Variants in IFI6 observed in about 807,000 individuals in gnomAD.
The protein encoded by IFI6 is interferon alpha-inducible protein 6.
Under a neutral mutation model 12.7 loss-of-function variants are expected in IFI6, and 10 were observed. That is an observed-to-expected ratio of 0.79 (90% CI 0.49 to 1.33). The LOEUF (loss-of-function observed/expected upper bound fraction) is 1.33. IFI6 is among the 40% of genes most tolerant of loss of function. The pLI, the probability that IFI6 is intolerant of heterozygous loss-of-function variation, is 0.00. For missense variants in IFI6, 154 were observed against 180.4 expected, an observed-to-expected ratio of 0.85 and a Z score of 0.84; for synonymous variants, 89 against 86.2, an observed-to-expected ratio of 1.03 and a Z score of -0.18.
rs1385783926 is a variant in IFI6 at position 27,669,240 on chromosome 1, C to T, written c.70+5G>A. On this transcript the variant is annotated splice_donor_5th_base_variant and intron_variant, in intron 2 of 4. Coordinates refer to ENST00000361157, the MANE Select transcript of IFI6 (RefSeq NM_002038.4). ...CCTTACCTGCATCCTTACCCGCATT[C>T]TCACCTGCCTCCACCCCACTGCAAG... 6.4e-7 allele frequency: 1 copy of T among 1,551,916 alleles called. No individual in the cohort carries two copies. The highest frequency in any genetic ancestry group is 8.7e-7 in the Non-Finnish European group (1 of 1,147,028).
chr1:27,671,883 C>T (rs10902662), intron 1 of IFI6, among the ~76,000 whole-genome samples: 7,685 of 152,256 alleles, frequency 0.05, 369 homozygotes, highest in East Asian at 0.25. Flanking sequence ...CCACAGATCG[C>T]TGATATTGCA....
chr1:27,666,309 A>AAAAAAAC lies in IFI6; in HGVS notation c.*71_*72insGTTTTTT, dbSNP rs2090350811. On this transcript the variant is annotated 3_prime_UTR_variant, in exon 5 of 5. Transcript: ENST00000361157. ...CATCTCAAAAAAAAAAAAAAAAAAA[A>AAAAAAAC]AAAGGCAAAGTTCTAGATCCTAACT... The AAAAAAAC allele has an allele frequency of 1.3e-6, 1 of 794,966 alleles. No individual in the cohort carries two copies. The highest frequency in any genetic ancestry group is 1.8e-5 in the African/African-American group (1 of 56,354). The allele number at this position is 794,966 out of a possible 1,614,324, so 49.2% of individuals were successfully genotyped here. A position where few individuals can be genotyped will look rare whatever the true frequency, so the allele number is the denominator to read the frequency against.
chr1:27,668,212 G>A lies in IFI6; in HGVS notation c.298+14C>T. On this transcript the variant is annotated intron_variant, in intron 4 of 4. Coordinates refer to ENST00000361157, the MANE Select transcript of IFI6 (RefSeq NM_002038.4). Reference sequence around the variant, plus strand: ...TAAAGAACGTCCCACCAGGGGCCCAGGCCCCGCACTCACCGAGGCTCTGCA... The same window carrying A: ...TAAAGAACGTCCCACCAGGGGCCCAAGCCCCGCACTCACCGAGGCTCTGCA... The A allele has an allele frequency of 6.7e-7, 1 of 1,493,336 alleles. No individual in the cohort carries two copies. Among genetic ancestry groups the A allele is most frequent in the South Asian group, 1.3e-5 (1 of 76,062 alleles). 92.5% of individuals were successfully genotyped at this position (1,493,336 alleles called of 1,614,324 possible).
chr1:27,666,337 AAGAGTT>A lies in IFI6; in HGVS notation c.*38_*43del. 1 of 932,550 alleles carries A rather than the reference AAGAGTT, an allele frequency of 1.1e-6. No individual in the cohort carries two copies. Among genetic ancestry groups the A allele is most frequent in the East Asian group, 2.6e-5 (1 of 38,294 alleles). 57.8% of individuals were successfully genotyped at this position (932,550 alleles called of 1,614,324 possible). Reference sequence around the variant, plus strand: ...AGGCAAAGTTCTAGATCCTAACTGGAAGAGTTAGGCCAAGAAGGAAGAAGAGGTTCT... The same window carrying A: ...AGGCAAAGTTCTAGATCCTAACTGGAAGGCCAAGAAGGAAGAAGAGGTTCT... On this transcript the variant is annotated 3_prime_UTR_variant, in exon 5 of 5. Coordinates refer to ENST00000361157, the MANE Select transcript of IFI6 (RefSeq NM_002038.4).
chr1:27,671,223 T>C (rs1303384128), intron 1 of IFI6, among the ~76,000 whole-genome samples: 1 of 152,174 alleles, frequency 6.6e-6, no homozygotes, highest in Non-Finnish European at 1.5e-5. Context: ...CTTGTACCTA[T>C]AACAACACCA....
rs1450224374 is a variant in IFI6 at position 27,669,323 on chromosome 1, C to T, written c.-9G>A. On this transcript the variant is annotated 5_prime_UTR_variant, in exon 2 of 5. Coordinates refer to ENST00000361157, the MANE Select transcript of IFI6 (RefSeq NM_002038.4). ...ACCGCCTTCTGCCGCATGGTGGCGC[C>T]GCGCGCGGGCTCCGTCACTAGACCT... The T allele has an allele frequency of 2.6e-6, 4 of 1,552,532 alleles. No homozygotes were observed. In the East Asian group the frequency reaches 9.7e-5, roughly 38 times the overall value.
intron 4 of IFI6, 77 bp downstream of exon 4, chr1:27,668,149 G>T: frequency 8.0e-7 from 1 of 1,245,472 alleles, no homozygotes; most frequent in Non-Finnish European, 1.1e-6. Context: ...TAATTCCTGA[G>T]TGCCTCAGTT....
chr1:27,670,059 TC>T (rs2090392915), intron 1 of IFI6: 1 of 152,168 alleles, frequency 6.6e-6, no homozygotes, highest in Non-Finnish European at 1.5e-5. Flanking sequence ...CAAATTCAAT[TC>T]TGACACCACT....
intron 1 of IFI6, chr1:27,669,584 G>A: frequency 4.2e-6 from 2 of 471,512 alleles, no homozygotes; most frequent in Non-Finnish European, 7.9e-6. Context: ...TGTTTGGCAC[G>A]TGGTAAGCTC....
At chr1:27,668,938 C>T (rs993382137) in intron 2 of IFI6, among the ~76,000 whole-genome samples, 19 of 151,908 alleles carry the variant, frequency 1.3e-4, no homozygotes, top group Admixed American at 1.3e-4. Context: ...CTTACCTGCA[C>T]CCTTATCTGT....
intron 2 of IFI6, 143 bp downstream of exon 2, chr1:27,669,102 T>C (rs914866799): frequency 1.0e-5 from 10 of 959,048 alleles, no homozygotes; most frequent in South Asian, 4.3e-5. Flanking sequence ...CACCCTTACC[T>C]GCATCCTTAC....
intron 3 of IFI6, 22 bp from the exon 4 acceptor site, chr1:27,668,397 A>C: frequency 2.5e-6 from 4 of 1,576,962 alleles, no homozygotes; most frequent in Non-Finnish European, 3.4e-6. Flanking sequence ...GGAGCAGGTG[A>C]GGGAGCGTCC....
chr1:27,671,624 G>A (rs1395681176), intron 1 of IFI6, among the ~76,000 whole-genome samples: 2 of 151,614 alleles, frequency 1.3e-5, no homozygotes, highest in Non-Finnish European at 2.9e-5. Flanking sequence ...CTGACCTCGT[G>A]ATCCGTGGGT....
In IFI6 at chr1:27,669,343, A is replaced by G. The variant is rs1208558678; in HGVS notation, c.-29T>C. The G allele has an allele frequency of 1.9e-6, 3 of 1,547,032 alleles. No individual in the cohort carries two copies. The Admixed American group carries it at 5.9e-5, about 30-fold the overall frequency. On this transcript the variant is annotated 5_prime_UTR_variant, in exon 2 of 5. Coordinates refer to ENST00000361157, the MANE Select transcript of IFI6 (RefSeq NM_002038.4). ...GGCGCCGCGCGCGGGCTCCGTCACT[A>G]GACCTGCGAACGGGCGAGAGGGAGA...
At chr1:27,670,551 T>A (rs901639863) in intron 1 of IFI6, 2 of 151,892 alleles carry the variant, frequency 1.3e-5, no homozygotes, top group Non-Finnish European at 2.9e-5. Flanking sequence ...CCTCCCAAAG[T>A]GCTGAGATTA....
At position 27,666,347 on chromosome 1, in the gene IFI6, C is replaced by A; in HGVS notation, c.*34G>T. On this transcript the variant is annotated 3_prime_UTR_variant, in exon 5 of 5. Coordinates refer to ENST00000361157, the MANE Select transcript of IFI6 (RefSeq NM_002038.4). ...CTAGATCCTAACTGGAAGAGTTAGG[C>A]CAAGAAGGAAGAAGAGGTTCTGGGA... is the stretch of plus-strand genomic sequence containing the variant. 9 of 1,170,324 alleles carry A rather than the reference C, an allele frequency of 7.7e-6. No homozygotes were observed. Among genetic ancestry groups the A allele is most frequent in the Non-Finnish European group, 1.1e-5 (9 of 799,914 alleles). 72.5% of individuals were successfully genotyped at this position (1,170,324 alleles called of 1,614,324 possible).
chr1:27,669,082 TC>T (rs2090382704), intron 2 of IFI6, 162 bp downstream of exon 2: 1 of 720,474 alleles, frequency 1.4e-6, no homozygotes, highest in African/African-American at 1.9e-5. Flanking sequence ...CTTACCCGCA[TC>T]CTTACCTGCA....
chr1:27,669,221 C>T (rs1476585002), intron 2 of IFI6, 24 bp downstream of exon 2: 1 of 1,551,474 alleles, frequency 6.4e-7, no homozygotes, highest in East Asian at 2.4e-5. Flanking sequence ...GTCCCCTTAC[C>T]TGCATCCTTA....
At position 27,668,454 on chromosome 1, in the gene IFI6, C is replaced by A. The variant is rs758493192; in HGVS notation, c.148+4G>T. On this transcript the variant is annotated splice_donor_region_variant and intron_variant, in intron 3 of 4. Coordinates refer to ENST00000361157, the MANE Select transcript of IFI6 (RefSeq NM_002038.4). The stretch of plus-strand genomic sequence containing the variant: ...TGCCCGAGATCCTCGCCCTCCAGAC[C>A]CACCTCCTCCGACGGCCATGAAGGT... 6.2e-7 allele frequency: 1 copy of A among 1,609,738 alleles called. No homozygotes were observed. Among genetic ancestry groups the A allele is most frequent in the South Asian group, 1.1e-5 (1 of 90,228 alleles).
Sources: allele counts gnomAD v4.1 joint callset (sites outside exome capture counted in the v4.1 genomes callset), GRCh38; gene constraint gnomAD v4.1.1; transcripts MANE v1.5; gene names NCBI Gene and HGNC (gene_info 2026-07-23, HGNC 2026-07-21).